Variants in GPR107 observed in about 807,000 individuals in gnomAD.
The protein encoded by GPR107 is protein GPR107.
A neutral mutation model predicts 75.5 loss-of-function variants in GPR107; 31 were observed. The ratio of observed to expected loss-of-function variants is 0.41; its 90% CI spans 0.31 to 0.55. GPR107 has a LOEUF of 0.55. Ranked by LOEUF, GPR107 falls within the 20% of genes least tolerant of loss-of-function variation. The pLI, the probability that GPR107 is intolerant of heterozygous loss-of-function variation, is 0.26. For synonymous variants in GPR107, 267 were observed against 251.3 expected (o/e 1.06, Z -0.59); for missense variants, 572 against 665.7 (o/e 0.86, Z 1.55).
chr9:130,063,777 A>G (rs1286409228), intron 1 of GPR107, among the ~76,000 whole-genome samples: 1 of 143,446 alleles, frequency 7.0e-6, no homozygotes, highest in African/African-American at 2.6e-5. Context: ...CTTTACTACT[A>G]CTGTATAGAT....
Position 130,076,452 on chromosome 9 carries a change from C to T in GPR107, c.296C>T (p.Ser99Phe). 1 of 1,579,786 alleles carries T rather than the reference C, an allele frequency of 6.3e-7. No individual in the cohort carries two copies. The highest frequency in any genetic ancestry group is 8.7e-7 in the Non-Finnish European group (1 of 1,148,730). ...SLDRTKNDGF[S>F]SYLDEDVNYC... ...GACCGTACAAAGAATGATGGCTTTTCTTCTTACCTGGTGAGTATTAAATGT... is the reference window on the plus strand; with the variant it reads ...GACCGTACAAAGAATGATGGCTTTTTTTCTTACCTGGTGAGTATTAAATGT... Residue 99 changes from serine to phenylalanine, a missense_variant, in exon 3 of 18, where the codon TCT becomes TTT. Coordinates refer to ENST00000347136, the MANE Select transcript of GPR107 (RefSeq NM_020960.5).
At chr9:130,115,558 A>G (rs1303520409) in intron 14 of GPR107, among the ~76,000 whole-genome samples, 1 of 151,940 alleles carries the variant, frequency 6.6e-6, no homozygotes, top group African/African-American at 2.4e-5. Context: ...TGAGGCCAGG[A>G]GATCGAGACC....
At chr9:130,101,291 G>C in intron 12 of GPR107, 68 bp downstream of exon 12, 1 of 857,176 alleles carries the variant, frequency 1.2e-6, no homozygotes, top group Non-Finnish European at 2.0e-6. Flanking sequence ...CTCCAAGCCT[G>C]TATGGGAAGA....
intron 1 of GPR107, among the ~76,000 whole-genome samples, chr9:130,073,440 C>T (rs1156869617): frequency 6.6e-6 from 1 of 152,158 alleles, no homozygotes; most frequent in Non-Finnish European, 1.5e-5. Flanking sequence ...CTTAGCTTTT[C>T]TGGCTTTTAC....
intron 15 of GPR107, among the ~76,000 whole-genome samples, chr9:130,125,909 G>T (rs2005849): frequency 0.65 from 98,533 of 151,650 alleles, 32,054 homozygotes; most frequent in East Asian, 0.82. Flanking sequence ...AAAAAAATTA[G>T]CTGGGCATGG....
chr9:130,070,088 G>A (rs1169782680), intron 1 of GPR107, among the ~76,000 whole-genome samples: 2 of 134,768 alleles, frequency 1.5e-5, no homozygotes, highest in Admixed American at 1.6e-4. Flanking sequence ...ATTTGGCCTC[G>A]TGGGCCCAAA....
rs1045979986 is a variant in GPR107 at position 130,069,984 on chromosome 9, C to CTTTTTTTTTTTTTTT, written c.142-5639_142-5625dup. Among the ~76,000 whole-genome samples the CTTTTTTTTTTTTTTT allele has an allele frequency of 4.4e-4, 20 of 45,418 alleles. 1 individual carries two copies. Among genetic ancestry groups the CTTTTTTTTTTTTTTT allele is most frequent in the East Asian group, 6.6e-4 (1 of 1,522 alleles). 29.8% of individuals were successfully genotyped at this position (45,418 alleles called of 152,430 possible). The stretch of plus-strand genomic sequence containing the variant: ...AGGCATAAGCCACCGTGCCTGGCCT[C>CTTTTTTTTTTTTTTT]TTTTTTTTTTTTTTTTTTTTTTTTT... On this transcript the variant is annotated intron_variant, in intron 1 of 17. Transcript: ENST00000347136.
chr9:130,068,744 C>CTTTTTTTT (rs35426594), intron 1 of GPR107, among the ~76,000 whole-genome samples: 2 of 145,260 alleles, frequency 1.4e-5, no homozygotes, highest in Non-Finnish European at 1.5e-5. Context: ...AGTATGTCCT[C>CTTTTTTTT]TTTTTTATTT....
intron 17 of GPR107, among the ~76,000 whole-genome samples, chr9:130,131,993 C>T (rs1025673887): frequency 6.6e-6 from 1 of 152,182 alleles, no homozygotes; most frequent in Non-Finnish European, 1.5e-5. Context: ...GCAATCCTTT[C>T]ACCTCAGCCT....
intron 14 of GPR107, among the ~76,000 whole-genome samples, chr9:130,110,828 C>G (rs1307510778): frequency 6.6e-6 from 1 of 152,146 alleles, no homozygotes; most frequent in African/African-American, 2.4e-5. Flanking sequence ...CCCATTGGCC[C>G]TCTGTGCCCC....
intron 9 of GPR107, among the ~76,000 whole-genome samples, chr9:130,098,043 A>G (rs1830922244): frequency 6.6e-6 from 1 of 152,078 alleles, no homozygotes. Context: ...CGCCACACCC[A>G]GCTAACTTTT....
intron 1 of GPR107, among the ~76,000 whole-genome samples, chr9:130,074,720 A>T (rs992361276): frequency 1.3e-5 from 2 of 152,012 alleles, no homozygotes; most frequent in South Asian, 4.2e-4. Context: ...TTCCCTGAAA[A>T]CCCATCATCT....
intron 1 of GPR107, among the ~76,000 whole-genome samples, chr9:130,069,788 C>T (rs796534574): frequency 3.9e-4 from 60 of 151,954 alleles, no homozygotes; most frequent in African/African-American, 1.4e-3. Context: ...CGGGTTCAAG[C>T]GATTCTCTTG....
intron 6 of GPR107, among the ~76,000 whole-genome samples, chr9:130,084,462 A>G (rs1830568954): frequency 6.8e-6 from 1 of 147,784 alleles, no homozygotes; most frequent in African/African-American, 2.6e-5. Flanking sequence ...GAGCATTGAC[A>G]TACTGAAACA....
At chr9:130,102,390 T>TC (rs1359956327) in intron 12 of GPR107, among the ~76,000 whole-genome samples, 1 of 151,714 alleles carries the variant, frequency 6.6e-6, no homozygotes, top group Non-Finnish European at 1.5e-5. Context: ...CTCTAGAGTC[T>TC]CCCCCCACCA....
rs576668025 is a variant in GPR107, at chr9:130,097,894, C to T, written c.864-1563C>T. Among the ~76,000 whole-genome samples the T allele has an allele frequency of 3.3e-5, 5 of 150,834 alleles. No individual in the cohort carries two copies. The East Asian group carries it at 7.8e-4, about 24-fold the overall frequency. ...GCTTAATTTTTGTTTGTTTTGAGAC[C>T]GTTTTGAGACAGGGACTCGCTCTGT... On this transcript the variant is annotated intron_variant, in intron 9 of 17. Transcript: ENST00000347136.
chr9:130,126,933 T>C (rs1831703701), intron 15 of GPR107, among the ~76,000 whole-genome samples: 1 of 152,232 alleles, frequency 6.6e-6, no homozygotes, highest in Non-Finnish European at 1.5e-5. Context: ...GCACAGGCCA[T>C]GCTCTAGTGG....
chr9:130,113,245 C>CT (rs10564750), intron 14 of GPR107, among the ~76,000 whole-genome samples: 1 of 128,784 alleles, frequency 7.8e-6, no homozygotes, highest in Non-Finnish European at 1.6e-5. Flanking sequence ...TTTCCCAGAT[C>CT]TTTTTTTTTT....
chr9:130,110,113 G>A (rs1445320344), intron 14 of GPR107, among the ~76,000 whole-genome samples: 2 of 152,110 alleles, frequency 1.3e-5, no homozygotes, highest in South Asian at 2.1e-4. Context: ...TCGTCTACCT[G>A]TTCGGTCCTC....
Sources: gnomAD v4.1 joint callset for allele counts (sites outside exome capture counted in the v4.1 genomes callset) on GRCh38, gnomAD v4.1.1 for gene constraint, MANE v1.5 for transcripts, NCBI Gene and HGNC (gene_info 2026-07-23, HGNC 2026-07-21) for gene names.